Variants in RNF144A observed in about 807,000 individuals in gnomAD.
RNF144A encodes the protein ring finger protein 144A, also known as E3 ubiquitin-protein ligase RNF144A.
In RNF144A, 11 loss-of-function variants were observed where a neutral mutation model predicts 38.7. That is an observed-to-expected ratio of 0.28 (90% CI 0.18 to 0.47). RNF144A has a LOEUF of 0.47. RNF144A is among the 20% of genes least tolerant of loss of function. RNF144A has a pLI of 0.99. For missense variants in RNF144A, 316 were observed against 377.2 expected (o/e 0.84, Z 1.34); for synonymous variants, 149 against 143.9 (o/e 1.04, Z -0.25).
chr2:7,075,284 C>T, the RNF144A span, among the ~76,000 whole-genome samples: 1 of 151,132 alleles, frequency 6.6e-6, no homozygotes, highest in South Asian at 2.1e-4. Context: ...TGGAACATCC[C>T]CCCCCCCACA....
chr2:7,017,856 A>G (rs989452716), intron 5 of RNF144A, among the ~76,000 whole-genome samples: 2 of 152,238 alleles, frequency 1.3e-5, no homozygotes, highest in Non-Finnish European at 1.5e-5. Context: ...TGCAGTCTGC[A>G]GTCAGAGCGG....
chr2:7,020,547 G>A lies in RNF144A; in HGVS notation c.376G>A (p.Gly126Arg), dbSNP rs201973870. The change falls in exon 6 of 9, where the codon GGG becomes AGG. Residue 126 changes from glycine (G) to arginine (R), a missense_variant. By Grantham distance (125) the Gly-to-Arg change is moderately radical (BLOSUM62 -2). Coordinates refer to ENST00000320892, the MANE Select transcript of RNF144A (RefSeq NM_014746.6). ...AGCTGTGTGTCAGCTCCAGGACGTG[G>A]GGCTGCAGACCCCCCAGCCAGTGCA... is the stretch of plus-strand genomic sequence containing the variant. ...CQAVCQLQDV[G>R]LQTPQPVQCK... is the part of the protein sequence containing the mutation. 1.1e-5 allele frequency: 17 copies of A among 1,613,536 alleles called. No individual in the cohort carries two copies. In the East Asian group the frequency reaches 3.8e-4, roughly 36 times the overall value.
intron 7 of RNF144A, among the ~76,000 whole-genome samples, chr2:7,029,683 G>A (rs1672151467): frequency 6.6e-6 from 1 of 152,256 alleles, no homozygotes; most frequent in Non-Finnish European, 1.5e-5. Context: ...CACTGCACCA[G>A]GAAGATGCCA....
intron 6 of RNF144A, among the ~76,000 whole-genome samples, chr2:7,023,724 G>A (rs959975764): frequency 6.6e-6 from 1 of 152,194 alleles, no homozygotes; most frequent in African/African-American, 2.4e-5. Flanking sequence ...TTGGCACACG[G>A]AATCTTTTCT....
At chr2:7,032,521 C>G (rs1672380734) in intron 8 of RNF144A, among the ~76,000 whole-genome samples, 1 of 152,274 alleles carries the variant, frequency 6.6e-6, no homozygotes, top group African/African-American at 2.4e-5. Context: ...GCTCTGAAAC[C>G]TGTAGGAGAG....
At chr2:6,979,106 G>A (rs1239116354) in intron 2 of RNF144A, among the ~76,000 whole-genome samples, 1 of 152,188 alleles carries the variant, frequency 6.6e-6, no homozygotes, top group Non-Finnish European at 1.5e-5. Context: ...TTCTAGAATA[G>A]TGGGCGAGGG....
At chr2:7,010,552 C>A (rs955959428) in intron 3 of RNF144A, among the ~76,000 whole-genome samples, 7 of 152,154 alleles carry the variant, frequency 4.6e-5, no homozygotes, top group African/African-American at 1.4e-4. Flanking sequence ...GCAGATATTT[C>A]TCTGTGGCCA....
chr2:7,043,281 G>A lies in RNF144A; in HGVS notation c.*3521G>A. ...AGGACCTGTGGGAGGGACTATCAGA[G>A]ATGCAAAAATTACTTCAAGATGAGT... On this transcript the variant is annotated 3_prime_UTR_variant, in exon 9 of 9. Coordinates refer to ENST00000320892, the MANE Select transcript of RNF144A (RefSeq NM_014746.6). The A allele has an allele frequency of 2.0e-6, 2 of 985,284 alleles. No individual in the cohort carries two copies. The highest frequency in any genetic ancestry group is 2.4e-6 in the Non-Finnish European group (2 of 829,782). 61.0% of individuals were successfully genotyped at this position (985,284 alleles called of 1,614,324 possible).
At chr2:7,045,254 A>G (rs1673259372), downstream of RNF144A, among the ~76,000 whole-genome samples, 1 of 152,224 alleles carries the variant, frequency 6.6e-6, no homozygotes, top group Admixed American at 6.5e-5. Flanking sequence ...CTGGACCTTC[A>G]TGATAAAGGC....
chr2:6,954,168 C>T (rs1202106787), intron 2 of RNF144A, among the ~76,000 whole-genome samples: 2 of 151,810 alleles, frequency 1.3e-5, no homozygotes, highest in African/African-American at 2.4e-5. Flanking sequence ...AAGCTTAATC[C>T]ATTTATTTTT....
chr2:7,059,485 G>A (rs1310421609), intron 6 of RNF144A, among the ~76,000 whole-genome samples: 2 of 152,206 alleles, frequency 1.3e-5, no homozygotes, highest in East Asian at 1.9e-4. Flanking sequence ...GGCAGCAAGG[G>A]CATCTATGCT....
intron 6 of RNF144A, among the ~76,000 whole-genome samples, chr2:7,050,987 C>T (rs980158225): frequency 6.6e-6 from 1 of 152,238 alleles, no homozygotes; most frequent in African/African-American, 2.4e-5. Flanking sequence ...AAGTTTAGAT[C>T]CTCCCTTTTC....
chr2:6,984,033 A>G (rs561226524), intron 2 of RNF144A, among the ~76,000 whole-genome samples: 2 of 152,278 alleles, frequency 1.3e-5, no homozygotes, highest in South Asian at 2.1e-4. Context: ...GGATGGTTGC[A>G]GTTACCTCCC....
chr2:6,998,276 G>A (rs535800205), intron 3 of RNF144A, among the ~76,000 whole-genome samples: 4 of 152,086 alleles, frequency 2.6e-5, no homozygotes, highest in South Asian at 4.2e-4. Flanking sequence ...TCTGTCACTC[G>A]AACAGTCTCT....
intron 1 of RNF144A, among the ~76,000 whole-genome samples, chr2:6,931,594 T>A (rs1342493399): frequency 1.3e-5 from 2 of 152,264 alleles, no homozygotes; most frequent in Non-Finnish European, 2.9e-5. Flanking sequence ...AAAGATAGCC[T>A]AGATGAAATA....
chr2:7,061,883 G>A (rs1673970919), intron 6 of RNF144A, among the ~76,000 whole-genome samples: 1 of 152,204 alleles, frequency 6.6e-6, no homozygotes, highest in African/African-American at 2.4e-5. Flanking sequence ...AATAATATAT[G>A]AGAGCATTTT....
chr2:6,976,428 G>A (rs887206693), intron 2 of RNF144A, among the ~76,000 whole-genome samples: 3 of 149,964 alleles, frequency 2.0e-5, no homozygotes, highest in African/African-American at 7.3e-5. Flanking sequence ...TTCAATTGTT[G>A]CTCTTTTACT....
At chr2:7,028,927 G>C (rs1303215927) in intron 7 of RNF144A, among the ~76,000 whole-genome samples, 4 of 152,170 alleles carry the variant, frequency 2.6e-5, no homozygotes, top group Non-Finnish European at 5.9e-5. Flanking sequence ...GGATTTGATG[G>C]CCCTCCATTC....
intron 6 of RNF144A, among the ~76,000 whole-genome samples, chr2:7,050,878 C>T (rs554040663): frequency 3.9e-5 from 6 of 152,304 alleles, no homozygotes; most frequent in African/African-American, 1.4e-4. Flanking sequence ...CTGTCAGGAC[C>T]ACTCAGACCC....
Sources: gnomAD v4.1 joint callset for allele counts (sites outside exome capture counted in the v4.1 genomes callset) on GRCh38, gnomAD v4.1.1 for gene constraint, MANE v1.5 for transcripts, NCBI Gene and HGNC (gene_info 2026-07-23, HGNC 2026-07-21) for gene names.